The following KATNIP variants were observed in gnomAD, a reference collection of about 807,000 sequenced individuals.
The protein encoded by KATNIP is katanin interacting protein.
In KATNIP, 126 loss-of-function variants were observed where a neutral mutation model predicts 174.0. The ratio of observed to expected loss-of-function variants is 0.72; its 90% CI spans 0.63 to 0.84. KATNIP has a LOEUF of 0.84. Among genes scored for constraint, KATNIP ranks in the 40% least tolerant of loss-of-function variants. KATNIP has a pLI of 0.00. For missense variants in KATNIP, 1,958 were observed against 2,109.7 expected, an observed-to-expected ratio of 0.93 and a Z score of 1.41; for synonymous variants, 810 against 835.7, an observed-to-expected ratio of 0.97 and a Z score of 0.53.
chr16:27,676,673 A>G (rs530830761), intron 6 of KATNIP, among the ~76,000 whole-genome samples: 11 of 152,126 alleles, frequency 7.2e-5, no homozygotes, highest in Admixed American at 5.9e-4. Flanking sequence ...AGTCCCATCT[A>G]TATATATGTG....
chr16:27,706,278 A>T (rs2079300031), intron 12 of KATNIP, among the ~76,000 whole-genome samples: 1 of 152,138 alleles, frequency 6.6e-6, no homozygotes, highest in African/African-American at 2.4e-5. Context: ...GTTTCTCCCC[A>T]TGTAAATCTG....
rs576943851 is a variant in KATNIP at position 27,660,626 on chromosome 16, C to T, written c.540+11891C>T. Among the ~76,000 whole-genome samples the T allele has an allele frequency of 2.2e-5, 3 of 134,236 alleles. No homozygotes were observed. In the South Asian group the frequency reaches 7.9e-4, roughly 35 times the overall value. 88.1% of individuals were successfully genotyped at this position (134,236 alleles called of 152,430 possible). ...CATAATAGTTTGTGGAGCTCTGGCTCATATCAGTACTTTTTTTTTTTTTTT... is the reference window on the plus strand; with the variant it reads ...CATAATAGTTTGTGGAGCTCTGGCTTATATCAGTACTTTTTTTTTTTTTTT... On this transcript the variant is annotated intron_variant, in intron 6 of 27. Coordinates refer to ENST00000261588, the MANE Select transcript of KATNIP (RefSeq NM_015202.5).
chr16:27,653,168 ACCTG>A (rs1008598528), intron 6 of KATNIP, among the ~76,000 whole-genome samples: 1 of 152,158 alleles, frequency 6.6e-6, no homozygotes, highest in Admixed American at 6.5e-5. Context: ...AATATCCTGG[ACCTG>A]TCTCGTTCCC....
At chr16:27,714,130 C>T (rs2079818089) in intron 13 of KATNIP, among the ~76,000 whole-genome samples, 1 of 151,836 alleles carries the variant, frequency 6.6e-6, no homozygotes, top group Non-Finnish European at 1.5e-5. Flanking sequence ...ATTCAGATTT[C>T]AGCCCTAATG....
At chr16:27,603,990 G>C (rs755795464) in intron 2 of KATNIP, among the ~76,000 whole-genome samples, 1 of 152,098 alleles carries the variant, frequency 6.6e-6, no homozygotes, top group Non-Finnish European at 1.5e-5. Flanking sequence ...ACCTGCCTCG[G>C]CCTTCCAAAG....
intron 1 of KATNIP, 24 bp downstream of exon 1, chr16:27,550,201 G>A (rs2089283598): frequency 6.2e-7 from 1 of 1,606,934 alleles, no homozygotes; most frequent in Non-Finnish European, 8.5e-7. Flanking sequence ...GGCCCCTCCG[G>A]GAGGTCGGGC....
intron 6 of KATNIP, among the ~76,000 whole-genome samples, chr16:27,663,203 G>A (rs1445191993): frequency 9.2e-6 from 1 of 108,858 alleles, no homozygotes; most frequent in African/African-American, 3.7e-5. Context: ...TCACCATGTT[G>A]CCCAGGCTGG....
rs1044699521 is a variant in KATNIP at position 27,637,784 on chromosome 16, C to G, written c.408+6622C>G. 6.6e-6 allele frequency among the ~76,000 whole-genome samples: 1 copy of G among 152,170 alleles called. No homozygotes were observed. Among genetic ancestry groups the G allele is most frequent in the Non-Finnish European group, 1.5e-5 (1 of 68,038 alleles). ...CACAGGAGGAAGTTTGGATTTCAAT[C>G]TAAATGTGAGAATTTCCAAGAGGGT... On this transcript the variant is annotated intron_variant, in intron 5 of 27. Coordinates refer to ENST00000261588, the MANE Select transcript of KATNIP (RefSeq NM_015202.5). The surrounding 1 kb of genome is among the most constrained non-coding windows in gnomAD (Gnocchi z 4.7).
At chr16:27,767,166 G>T (rs1242336748) in intron 20 of KATNIP, among the ~76,000 whole-genome samples, 1 of 151,838 alleles carries the variant, frequency 6.6e-6, no homozygotes, top group East Asian at 1.9e-4. Context: ...TAGCAATTCA[G>T]CTAGGGCCCT....
intron 8 of KATNIP, among the ~76,000 whole-genome samples, chr16:27,694,678 C>G (rs1302821677): frequency 1.3e-5 from 2 of 151,950 alleles, no homozygotes; most frequent in African/African-American, 4.8e-5. Context: ...TGCTTGTAGT[C>G]CCAGCTACTC....
At chr16:27,582,238 A>G (rs974746123) in intron 2 of KATNIP, among the ~76,000 whole-genome samples, 5 of 152,166 alleles carry the variant, frequency 3.3e-5, no homozygotes, top group South Asian at 2.1e-4. Context: ...TGCCCCGTCC[A>G]TATTTACAGA....
At position 27,618,466 on chromosome 16, in the gene KATNIP, T is replaced by C. The variant is rs377473613; in HGVS notation, c.105T>C (p.His35=). ...KDMVTDFDEK[H]DEYLILLQQR... Reference sequence around the variant, plus strand: ...TGGTGACAGACTTTGATGAGAAACATGATGAGTATTTAATATTGCTTCAGC... The same window carrying C: ...TGGTGACAGACTTTGATGAGAAACACGATGAGTATTTAATATTGCTTCAGC... The change falls in exon 3 of 28, where the codon CAT becomes CAC. Residue 35 remains histidine, a synonymous_variant. Coordinates refer to ENST00000261588, the MANE Select transcript of KATNIP (RefSeq NM_015202.5). 6.2e-6 allele frequency: 10 copies of C among 1,613,558 alleles called. No homozygotes were observed. Among genetic ancestry groups the C allele is most frequent in the Non-Finnish European group, 6.8e-6 (8 of 1,179,630 alleles).
intron 22 of KATNIP, 76 bp from the exon 23 acceptor site, chr16:27,773,022 CT>C: frequency 1.3e-6 from 1 of 796,508 alleles, no homozygotes. Flanking sequence ...AAAACAATTC[CT>C]CTTATCTTTG....
rs78944883 is a variant in KATNIP at position 27,689,798 on chromosome 16, G to C, written c.940+8268G>C. 9.8e-3 allele frequency among the ~76,000 whole-genome samples: 1,496 copies of C among 152,228 alleles called. 31 individuals carry two copies. The highest frequency in any genetic ancestry group is 0.034 in the African/African-American group (1,396 of 41,522). On this transcript the variant is annotated intron_variant, in intron 8 of 27. Transcript: ENST00000261588. Reference sequence around the variant, plus strand: ...CTGTTCTGTAGTGAGCTAGCAGGTGGCTGGGCCAGATGGTCTAGGACAGCC... The same window carrying C: ...CTGTTCTGTAGTGAGCTAGCAGGTGCCTGGGCCAGATGGTCTAGGACAGCC...
intron 13 of KATNIP, chr16:27,718,516 A>C (rs569954018): frequency 6.6e-6 from 1 of 152,320 alleles, no homozygotes; most frequent in East Asian, 1.9e-4. Context: ...AGTTATCCGC[A>C]GGTTAATGTT....
intron 13 of KATNIP, among the ~76,000 whole-genome samples, chr16:27,714,829 C>T (rs1285487311): frequency 2.0e-5 from 3 of 152,100 alleles, no homozygotes; most frequent in Admixed American, 2.0e-4. Flanking sequence ...AAAAGCATCC[C>T]CTGTTCATGG....
At chr16:27,683,891 C>T (rs1321418718) in intron 8 of KATNIP, among the ~76,000 whole-genome samples, 2 of 152,126 alleles carry the variant, frequency 1.3e-5, no homozygotes, top group Non-Finnish European at 2.9e-5. Context: ...CTGAACCAAT[C>T]TAAATGGCTT....
At chr16:27,566,704 CTTG>C (rs980560987) in intron 1 of KATNIP, among the ~76,000 whole-genome samples, 5 of 152,116 alleles carry the variant, frequency 3.3e-5, no homozygotes, top group Admixed American at 6.5e-5. Context: ...TCCTTGCTTC[CTTG>C]TTGTGTGACC....
At chr16:27,565,230 C>T (rs888391517) in intron 1 of KATNIP, among the ~76,000 whole-genome samples, 1 of 151,230 alleles carries the variant, frequency 6.6e-6, no homozygotes, top group Non-Finnish European at 1.5e-5. Flanking sequence ...TTTTGGGAGG[C>T]CGAGGCGGGT....
Sources: gnomAD v4.1 joint callset for allele counts (sites outside exome capture counted in the v4.1 genomes callset) on GRCh38, gnomAD v4.1.1 for gene constraint, Gnocchi (gnomAD v3.1) non-coding constraint, MANE v1.5 for transcripts, NCBI Gene and HGNC (gene_info 2026-07-23, HGNC 2026-07-21) for gene names.